The following SORBS2 variants were observed in gnomAD, a reference collection of about 807,000 sequenced individuals.
SORBS2 encodes sorbin and SH3 domain-containing protein 2.
SORBS2 carries 46 observed loss-of-function variants against 97.7 expected under a neutral mutation model. That is an observed-to-expected ratio of 0.47 (90% confidence interval 0.37 to 0.60). SORBS2 has a LOEUF of 0.60. SORBS2 is among the 20% of genes least tolerant of loss of function. SORBS2 has a pLI of 0.00. For synonymous variants in SORBS2, 476 were observed against 473.4 expected (o/e 1.01, Z -0.07); for missense variants, 1,316 against 1,282.3 (o/e 1.03, Z -0.40).
At chr4:185,869,466 A>T (rs191422223) in intron 1 of SORBS2, among the ~76,000 whole-genome samples, 1 of 152,334 alleles carries the variant, frequency 6.6e-6, no homozygotes, top group South Asian at 2.1e-4. Context: ...TACCCTGGGC[A>T]TATGCCCTCA....
chr4:185,803,569 A>T (rs2099140534), intron 1 of SORBS2, among the ~76,000 whole-genome samples: 1 of 152,172 alleles, frequency 6.6e-6, no homozygotes, highest in African/African-American at 2.4e-5. Context: ...TTTACAACAT[A>T]AGGGTGATGG....
At chr4:185,823,174 T>A (rs925400076) in intron 1 of SORBS2, among the ~76,000 whole-genome samples, 4 of 152,194 alleles carry the variant, frequency 2.6e-5, no homozygotes, top group Non-Finnish European at 5.9e-5. Context: ...TTCTTTCCCC[T>A]CCGGCCTCCT....
chr4:185,863,012 A>G (rs557198233), intron 1 of SORBS2, among the ~76,000 whole-genome samples: 13 of 152,310 alleles, frequency 8.5e-5, no homozygotes, highest in Non-Finnish European at 1.5e-4. Flanking sequence ...GCCTGTGCCA[A>G]TGCACTGCAC....
intron 4 of SORBS2, among the ~76,000 whole-genome samples, chr4:185,640,944 T>G (rs1440751343): frequency 3.3e-5 from 5 of 152,244 alleles, no homozygotes; most frequent in African/African-American, 1.2e-4. Context: ...TATTTTGTTT[T>G]GCCAAGGGGA....
In SORBS2 at chr4:185,587,518, C is replaced by A. The variant is rs562042801; in HGVS notation, c.*109G>T. ...TGGTGGCAGGTGGAGATGGTGACGG[C>A]GCATTGGAAACCGTAAGGCATGACA... is the stretch of plus-strand genomic sequence containing the variant. On this transcript the variant is annotated 3_prime_UTR_variant, in exon 15 of 15. Coordinates refer to ENST00000418609, the Ensembl canonical transcript of SORBS2. The A allele has an allele frequency of 1.9e-5, 17 of 878,246 alleles. No individual in the cohort carries two copies. In the East Asian group the frequency reaches 4.3e-4, roughly 22 times the overall value. The allele number at this position is 878,246 out of a possible 1,614,324, so 54.4% of individuals were successfully genotyped here. A position where few individuals can be genotyped will look rare whatever the true frequency, so the allele number is the denominator to read the frequency against.
chr4:185,643,809 G>C (rs2097166427), intron 4 of SORBS2, among the ~76,000 whole-genome samples: 1 of 152,108 alleles, frequency 6.6e-6, no homozygotes, highest in African/African-American at 2.4e-5. Flanking sequence ...TGCTTCCAAG[G>C]CATCTTGGAG....
intron 1 of SORBS2, among the ~76,000 whole-genome samples, chr4:185,943,223 G>A (rs1168879191): frequency 1.3e-5 from 2 of 152,266 alleles, no homozygotes; most frequent in Non-Finnish European, 1.5e-5. Flanking sequence ...TTCAACCTAC[G>A]AACCTAGTAG....
At chr4:185,608,647 A>G (rs909191301) in intron 12 of SORBS2, among the ~76,000 whole-genome samples, 3 of 152,244 alleles carry the variant, frequency 2.0e-5, no homozygotes, top group Non-Finnish European at 4.4e-5. Context: ...CATAAAAATT[A>G]GAAATTAAAA....
chr4:185,934,921 T>C (rs2099268239), intron 1 of SORBS2, among the ~76,000 whole-genome samples: 1 of 152,160 alleles, frequency 6.6e-6, no homozygotes, highest in Non-Finnish European at 1.5e-5. Context: ...AAGGAGAAGA[T>C]GCTTGATCAT....
chr4:185,874,562 A>G (rs2099232277), intron 1 of SORBS2, among the ~76,000 whole-genome samples: 1 of 152,212 alleles, frequency 6.6e-6, no homozygotes, highest in African/African-American at 2.4e-5. Context: ...TGCATTTTTA[A>G]GGTCCTAATC....
chr4:185,824,519 T>G, intron 1 of SORBS2, among the ~76,000 whole-genome samples: 1 of 152,270 alleles, frequency 6.6e-6, no homozygotes, highest in East Asian at 1.9e-4. Flanking sequence ...ATAACAGTTA[T>G]GGTGTTACAG....
chr4:185,754,668 G>A (rs569239476), intron 2 of SORBS2, among the ~76,000 whole-genome samples: 1 of 152,298 alleles, frequency 6.6e-6, no homozygotes, highest in East Asian at 1.9e-4. Context: ...AATGGAAAAT[G>A]GAATATCCAG....
At chr4:185,631,748 G>C (rs936923006) in intron 4 of SORBS2, among the ~76,000 whole-genome samples, 1 of 151,644 alleles carries the variant, frequency 6.6e-6, no homozygotes, top group Non-Finnish European at 1.5e-5. Flanking sequence ...GGCCATGAGA[G>C]TGAAACCCCA....
rs113864748 is a variant in SORBS2, at chr4:185,649,524, G to T, written c.224C>A (p.Pro75Gln). The T allele has an allele frequency of 4.9e-5, 78 of 1,604,004 alleles. No homozygotes were observed. Among genetic ancestry groups the T allele is most frequent in the African/African-American group, 3.4e-4 (25 of 74,346 alleles). ...CGGCGGGACTGGAGGTGGAACATGT[G>T]GGGGAGGCACTGGGGAGGACGCATC... Residue 75 changes from proline to glutamine, a missense_variant, in exon 3 of 15, where the codon CCA becomes CAA. Physicochemically the swap from Pro to Gln is moderately conservative, Grantham distance 76. Coordinates refer to ENST00000418609, the Ensembl canonical transcript of SORBS2.
chr4:185,700,604 C>T (rs779991654), intron 2 of SORBS2, among the ~76,000 whole-genome samples: 4 of 152,078 alleles, frequency 2.6e-5, no homozygotes, highest in Non-Finnish European at 4.4e-5. Context: ...CAAGATGTAC[C>T]TGAATTTAAG....
intron 1 of SORBS2, chr4:185,919,168 T>A (rs1227934270): frequency 6.6e-6 from 1 of 152,184 alleles, no homozygotes; most frequent in Admixed American, 6.5e-5. Context: ...AGTTAACCCA[T>A]CTTCTAAAGA....
intron 2 of SORBS2, among the ~76,000 whole-genome samples, chr4:185,691,642 T>C (rs1208989057): frequency 6.6e-6 from 1 of 152,196 alleles, no homozygotes; most frequent in Non-Finnish European, 1.5e-5. Context: ...ACAAAATCCA[T>C]CTCTGCATTA....
upstream of SORBS2, among the ~76,000 whole-genome samples, chr4:185,661,801 C>T (rs754879812): frequency 6.6e-6 from 1 of 152,218 alleles, no homozygotes; most frequent in African/African-American, 2.4e-5. Context: ...GGAAAACCTG[C>T]ATTCATGTCC....
At chr4:185,620,233 A>C in intron 7 of SORBS2, 82 bp from the exon 20 acceptor site, 2 of 910,970 alleles carry the variant, frequency 2.2e-6, no homozygotes, top group Non-Finnish European at 3.6e-6. Context: ...CCTGGTGGCC[A>C]CTACTTTTTT....
Sources: gnomAD v4.1 joint callset for allele counts (sites outside exome capture counted in the v4.1 genomes callset) on GRCh38, gnomAD v4.1.1 for gene constraint, MANE v1.5 for transcripts, NCBI Gene and HGNC (gene_info 2026-07-23, HGNC 2026-07-21) for gene names.